Variants in ANK2 observed in about 807,000 individuals in gnomAD.
The protein encoded by ANK2 is ankyrin 2.
A neutral mutation model predicts 360.5 loss-of-function variants in ANK2; 83 were observed. The ratio of observed to expected loss-of-function variants is 0.23; its 90% CI spans 0.19 to 0.28. The LOEUF (loss-of-function observed/expected upper bound fraction) is 0.28. Ranked by LOEUF, ANK2 falls within the 10% of genes least tolerant of loss-of-function variation. The pLI is 1.00. For synonymous variants in ANK2, 1,740 were observed against 1,759.5 expected, an observed-to-expected ratio of 0.99 and a Z score of 0.28; for missense variants, 4,201 against 4,795.7, an observed-to-expected ratio of 0.88 and a Z score of 3.66.
intron 45 of ANK2, 29 bp from the exon 46 acceptor site, chr4:113,381,428 G>GT: frequency 6.2e-7 from 1 of 1,613,790 alleles, no homozygotes; most frequent in Admixed American, 1.7e-5. Context: ...TGAAAAGAGC[G>GT]TAATTCTCTC....
chr4:113,322,977 G>C (rs189529227), intron 26 of ANK2, among the ~76,000 whole-genome samples: 1 of 152,110 alleles, frequency 6.6e-6, no homozygotes, highest in Admixed American at 6.5e-5. Context: ...AGCAAAACAA[G>C]TGTTTAGTAA....
chr4:113,286,922 T>G (rs2153727273), intron 18 of ANK2, among the ~76,000 whole-genome samples: 1 of 152,314 alleles, frequency 6.6e-6, no homozygotes, highest in East Asian at 1.9e-4. Flanking sequence ...AATAAGCCAC[T>G]TTCCCCCATC....
At chr4:113,029,325 C>T (rs1351374471) in intron 2 of ANK2, among the ~76,000 whole-genome samples, 3 of 152,008 alleles carry the variant, frequency 2.0e-5, no homozygotes, top group Non-Finnish European at 4.4e-5. Context: ...TCCTCTAACT[C>T]CTGGGCTCAA....
In ANK2 at chr4:113,355,099, A is replaced by G; in HGVS notation, c.6481A>G (p.Lys2161Glu). Reference sequence around the variant, plus strand: ...ATTCCGCCTGAGTGAGGAGACAGAAAAGGCACAGCTTCACTTAGACCAAGT... The same window carrying G: ...ATTCCGCCTGAGTGAGGAGACAGAAGAGGCACAGCTTCACTTAGACCAAGT... ...QQFRLSEETE[K>E]AQLHLDQVLT... Residue 2161 changes from lysine (K) to glutamate (E), a missense_variant, in exon 38 of 46, where the codon AAG becomes GAG. Physicochemically the swap from Lys to Glu is moderately conservative, Grantham distance 56 (BLOSUM62 1). Around this residue, in one of 4 missense-constraint regions of ANK2, gnomAD observed 2,642 missense variants for 2,714.5 expected, o/e 0.97. Coordinates refer to ENST00000357077, the MANE Select transcript of ANK2 (RefSeq NM_001148.6). The G allele has an allele frequency of 6.2e-7, 1 of 1,614,112 alleles. No individual in the cohort carries two copies. The highest frequency in any genetic ancestry group is 8.5e-7 in the Non-Finnish European group (1 of 1,179,994).
At chr4:112,928,595 A>G (rs1442938427) in intron 2 of ANK2, among the ~76,000 whole-genome samples, 1 of 152,130 alleles carries the variant, frequency 6.6e-6, no homozygotes, top group East Asian at 1.9e-4. Flanking sequence ...AAATGAAATC[A>G]TGAGTGTGGG....
chr4:113,316,543 A>G (rs1423608275), intron 24 of ANK2, among the ~76,000 whole-genome samples: 2 of 152,256 alleles, frequency 1.3e-5, no homozygotes, highest in African/African-American at 4.8e-5. Context: ...ATAATTCTAC[A>G]GTGCTTCACT....
At chr4:112,984,355 G>C (rs1009547638) in intron 2 of ANK2, among the ~76,000 whole-genome samples, 1 of 152,118 alleles carries the variant, frequency 6.6e-6, no homozygotes, top group Non-Finnish European at 1.5e-5. Flanking sequence ...TCACAATCAC[G>C]GAAGAAGGCA....
intron 2 of ANK2, among the ~76,000 whole-genome samples, chr4:112,928,510 C>T (rs769780887): frequency 2.4e-4 from 36 of 151,832 alleles, no homozygotes; most frequent in Non-Finnish European, 4.0e-4. Context: ...TTTCGTATGT[C>T]GAAGTCCTAA....
intron 31 of ANK2, among the ~76,000 whole-genome samples, chr4:113,337,405 G>A (rs747610861): frequency 1.3e-5 from 2 of 152,162 alleles, no homozygotes; most frequent in East Asian, 1.9e-4. Context: ...CTCCCAGAAC[G>A]TTGGTAGTCT....
chr4:113,030,865 T>G (rs151101150), intron 2 of ANK2, among the ~76,000 whole-genome samples: 20 of 152,160 alleles, frequency 1.3e-4, no homozygotes, highest in African/African-American at 4.3e-4. Context: ...GTATAGACAC[T>G]TTTAAGAATA....
intron 2 of ANK2, among the ~76,000 whole-genome samples, chr4:113,021,393 A>G (rs1311135434): frequency 6.6e-6 from 1 of 151,798 alleles, no homozygotes; most frequent in South Asian, 2.1e-4. Context: ...CACTTATTCC[A>G]GTGATGGATC....
chr4:113,089,219 C>T (rs1306487339), intron 1 of ANK2, among the ~76,000 whole-genome samples: 2 of 152,200 alleles, frequency 1.3e-5, no homozygotes, highest in Non-Finnish European at 2.9e-5. Flanking sequence ...ATGGGAGGAA[C>T]TGTAAACATT....
At chr4:112,791,479 C>CTT in the ANK2 span, among the ~76,000 whole-genome samples, 6 of 93,896 alleles carry the variant, frequency 6.4e-5, no homozygotes, top group Admixed American at 1.3e-4. Context: ...TCTTCTTCTT[C>CTT]TTTTTTTTTT....
At position 113,072,742 on chromosome 4, in the gene ANK2, AT is replaced by A. The variant is rs34098456; in HGVS notation, c.84+22953del. 2.0e-3 allele frequency among the ~76,000 whole-genome samples: 145 copies of A among 74,216 alleles called. 1 individual carries two copies. The highest frequency in any genetic ancestry group is 4.6e-3 in the East Asian group (12 of 2,630). The allele number at this position is 74,216 out of a possible 152,430, so 48.7% of individuals were successfully genotyped here. A position where few individuals can be genotyped will look rare whatever the true frequency, so the allele number is the denominator to read the frequency against. On this transcript the variant is annotated intron_variant, in intron 1 of 45. Transcript: ENST00000357077. ...TCCCTTAAAATAGACACTTGGCATA[AT>A]TTTTTTTTTTTTTTTTTTTTTTGCT...
chr4:112,833,475 T>C (rs140022367), intron 1 of ANK2, among the ~76,000 whole-genome samples: 33 of 152,142 alleles, frequency 2.2e-4, no homozygotes, highest in Non-Finnish European at 3.5e-4. Context: ...GGTGCCTATA[T>C]ATTTTTTCTT....
intron 2 of ANK2, among the ~76,000 whole-genome samples, chr4:112,929,196 A>G (rs1329000754): frequency 1.3e-5 from 2 of 152,106 alleles, no homozygotes; most frequent in Non-Finnish European, 2.9e-5. Flanking sequence ...AGAATATGAC[A>G]ACCACCACTC....
At chr4:112,734,596 C>T in the ANK2 span, among the ~76,000 whole-genome samples, 181 of 152,242 alleles carry the variant, frequency 1.2e-3, no homozygotes, top group African/African-American at 4.1e-3. Context: ...GAGGTGGGTT[C>T]CTCATCGTTT....
intron 2 of ANK2, among the ~76,000 whole-genome samples, chr4:113,025,865 T>A (rs1035678876): frequency 3.0e-4 from 46 of 152,182 alleles, no homozygotes; most frequent in African/African-American, 1.1e-3. Flanking sequence ...CTATACCTGA[T>A]AGCTATGTCA....
At chr4:113,303,216 A>G (rs182406460) in intron 23 of ANK2, among the ~76,000 whole-genome samples, 11 of 152,316 alleles carry the variant, frequency 7.2e-5, no homozygotes, top group Non-Finnish European at 1.3e-4. Context: ...ACTTTAAGTA[A>G]AGACTTTAAA....
Sources: gnomAD v4.1 joint callset for allele counts (sites outside exome capture counted in the v4.1 genomes callset) on GRCh38, gnomAD v4.1.1 for gene constraint, gnomAD v4.1.1 regional missense constraint, MANE v1.5 for transcripts, NCBI Gene and HGNC (gene_info 2026-07-23, HGNC 2026-07-21) for gene names.